The following SLIT3 variants were observed in gnomAD, a reference collection of about 807,000 sequenced individuals.
SLIT3 encodes slit guidance ligand 3.
SLIT3 carries 68 observed loss-of-function variants against 184.0 expected under a neutral mutation model. The ratio of observed to expected loss-of-function variants is 0.37; its 90% CI spans 0.30 to 0.45. SLIT3 has a LOEUF of 0.45. Among genes scored for constraint, SLIT3 ranks in the 20% least tolerant of loss-of-function variants. The pLI, the probability that SLIT3 is intolerant of heterozygous loss-of-function variation, is 1.00. For synonymous variants in SLIT3, 831 were observed against 828.6 expected, an observed-to-expected ratio of 1.00 and a Z score of -0.05; for missense variants, 1,707 against 2,026.0, an observed-to-expected ratio of 0.84 and a Z score of 3.02.
chr5:169,194,868 G>C (rs1050986104), intron 3 of SLIT3, among the ~76,000 whole-genome samples: 1 of 152,184 alleles, frequency 6.6e-6, no homozygotes, highest in South Asian at 2.1e-4. Flanking sequence ...CTCCATGAAG[G>C]CTGCTTTCTT....
intron 12 of SLIT3, among the ~76,000 whole-genome samples, chr5:168,784,538 G>T (rs75725832): frequency 2.0e-5 from 3 of 152,290 alleles, no homozygotes; most frequent in African/African-American, 7.2e-5. Context: ...GGCATCGCAC[G>T]CCTACATAAT....
At position 168,900,596 on chromosome 5, in the gene SLIT3, T is replaced by C. The variant is rs111952716; in HGVS notation, c.414-17260A>G. 1.4e-4 allele frequency among the ~76,000 whole-genome samples: 22 copies of C among 152,142 alleles called. 3 individuals carry two copies. The highest frequency in any genetic ancestry group is 5.3e-4 in the African/African-American group (22 of 41,490). On this transcript the variant is annotated intron_variant, in intron 4 of 35. Coordinates refer to ENST00000519560, the MANE Select transcript of SLIT3 (RefSeq NM_003062.4). ...TGCCATTGCACTCCAGCCTGGGAGA[T>C]GGGAGTGAAACCCTGTCTCAAACAA...
intron 4 of SLIT3, among the ~76,000 whole-genome samples, chr5:168,974,100 C>T: frequency 6.6e-6 from 1 of 152,168 alleles, no homozygotes; most frequent in South Asian, 2.1e-4. Flanking sequence ...ACCTACCCAT[C>T]TAAATATTTT....
chr5:169,240,949 C>T (rs183521951), intron 3 of SLIT3, among the ~76,000 whole-genome samples: 4 of 151,694 alleles, frequency 2.6e-5, no homozygotes, highest in Non-Finnish European at 5.9e-5. Context: ...TAAATATTAG[C>T]ACTATTACTT....
chr5:169,051,189 A>T (rs1003919531), intron 4 of SLIT3, among the ~76,000 whole-genome samples: 1 of 152,224 alleles, frequency 6.6e-6, no homozygotes, highest in African/African-American at 2.4e-5. Context: ...TCAAGGGATC[A>T]ATTTAGATTC....
At chr5:169,138,476 CT>C (rs1180811815) in intron 4 of SLIT3, among the ~76,000 whole-genome samples, 2 of 152,150 alleles carry the variant, frequency 1.3e-5, no homozygotes, top group African/African-American at 4.8e-5. Flanking sequence ...CCCTTCCCCC[CT>C]AGAGCACTTC....
intron 4 of SLIT3, among the ~76,000 whole-genome samples, chr5:169,046,169 G>C (rs1222148861): frequency 6.6e-6 from 1 of 152,108 alleles, no homozygotes; most frequent in East Asian, 1.9e-4. Flanking sequence ...TTTGGTATAG[G>C]TAAAGAGGTG....
intron 5 of SLIT3, among the ~76,000 whole-genome samples, chr5:168,876,705 C>A (rs1759745070): frequency 6.6e-6 from 1 of 152,158 alleles, no homozygotes; most frequent in Non-Finnish European, 1.5e-5. Flanking sequence ...TCCTTAGCTC[C>A]AACGAAGCCT....
At chr5:168,831,469 T>C (rs946142831) in intron 6 of SLIT3, among the ~76,000 whole-genome samples, 2 of 152,164 alleles carry the variant, frequency 1.3e-5, no homozygotes, top group Non-Finnish European at 2.9e-5. Context: ...GGGCATATAA[T>C]GAAAACAACT....
At chr5:168,831,700 CA>C (rs1331279427) in intron 6 of SLIT3, among the ~76,000 whole-genome samples, 13 of 152,094 alleles carry the variant, frequency 8.5e-5, no homozygotes, top group Non-Finnish European at 1.9e-4. Flanking sequence ...CTCTCACCGC[CA>C]AGTAACATTT....
At chr5:169,204,256 A>G (rs1763992635) in intron 3 of SLIT3, among the ~76,000 whole-genome samples, 1 of 152,146 alleles carries the variant, frequency 6.6e-6, no homozygotes, top group South Asian at 2.1e-4. Context: ...AAAGATGAGG[A>G]TAACATTGGG....
intron 4 of SLIT3, among the ~76,000 whole-genome samples, chr5:169,005,816 G>A (rs1196040092): frequency 6.6e-6 from 1 of 152,228 alleles, no homozygotes; most frequent in Non-Finnish European, 1.5e-5. Context: ...CGCCTTTGGA[G>A]CTCTGGGGGA....
intron 4 of SLIT3, among the ~76,000 whole-genome samples, chr5:169,046,203 T>C (rs1399205106): frequency 1.3e-5 from 2 of 152,132 alleles, no homozygotes; most frequent in Non-Finnish European, 2.9e-5. Context: ...GGACTGTAAC[T>C]AGCCAGGAAT....
intron 4 of SLIT3, among the ~76,000 whole-genome samples, chr5:169,113,644 T>G (rs1318903088): frequency 6.6e-6 from 1 of 150,662 alleles, no homozygotes; most frequent in Non-Finnish European, 1.5e-5. Context: ...TCATCATGCC[T>G]TTTTTTTCTT....
chr5:168,982,055 C>T (rs1754968082), intron 4 of SLIT3, among the ~76,000 whole-genome samples: 1 of 152,194 alleles, frequency 6.6e-6, no homozygotes, highest in Admixed American at 6.5e-5. Context: ...TTCCATGACC[C>T]ACATGCACAG....
intron 3 of SLIT3, among the ~76,000 whole-genome samples, chr5:169,209,495 G>A (rs1764185123): frequency 6.6e-6 from 1 of 152,160 alleles, no homozygotes; most frequent in African/African-American, 2.4e-5. Context: ...ACATGCACAT[G>A]TATGTTTATT....
intron 3 of SLIT3, among the ~76,000 whole-genome samples, chr5:169,220,402 T>C (rs1197930156): frequency 6.6e-6 from 1 of 152,134 alleles, no homozygotes; most frequent in Admixed American, 6.5e-5. Context: ...ATATTCAATC[T>C]ACAGTAGGCC....
chr5:168,716,149 T>A (rs868497080), intron 23 of SLIT3, among the ~76,000 whole-genome samples: 2 of 152,134 alleles, frequency 1.3e-5, no homozygotes, highest in African/African-American at 2.4e-5. Context: ...TGTATTTTTT[T>A]AAATTTTAGT....
intron 1 of SLIT3, chr5:169,263,550 C>T: frequency 2.3e-6 from 1 of 429,516 alleles, no homozygotes. Context: ...TGCGAGGCTC[C>T]AGAAGTCTGA....
Sources: gnomAD v4.1 joint callset for allele counts (sites outside exome capture counted in the v4.1 genomes callset) on GRCh38, gnomAD v4.1.1 for gene constraint, MANE v1.5 for transcripts, NCBI Gene and HGNC (gene_info 2026-07-23, HGNC 2026-07-21) for gene names.